The following OPA1 variants were observed in gnomAD, a reference collection of about 807,000 sequenced individuals.
OPA1 encodes the protein dynamin-like GTPase OPA1, mitochondrial.
A neutral mutation model predicts 152.9 loss-of-function variants in OPA1; 59 were observed. That is an observed-to-expected ratio of 0.39 (90% CI 0.31 to 0.48). OPA1 has a LOEUF of 0.48. Ranked by LOEUF, OPA1 falls within the 20% of genes least tolerant of loss-of-function variation. OPA1 has a pLI of 0.96. For missense variants in OPA1, 1,008 were observed against 1,216.8 expected, an observed-to-expected ratio of 0.83 and a Z score of 2.55; for synonymous variants, 400 against 389.9, an observed-to-expected ratio of 1.03 and a Z score of -0.31.
chr3:193,690,732 A>T (rs140309931), intron 29 of OPA1, among the ~76,000 whole-genome samples: 41 of 152,314 alleles, frequency 2.7e-4, no homozygotes, highest in African/African-American at 4.3e-4. Flanking sequence ...AATATAAAAG[A>T]TATAAATGTC....
intron 29 of OPA1, among the ~76,000 whole-genome samples, chr3:193,671,769 A>G (rs184155089): frequency 5.9e-5 from 9 of 152,364 alleles, no homozygotes; most frequent in African/African-American, 2.2e-4. Flanking sequence ...AGGTTAAAAA[A>G]AGGTTAAATT....
At chr3:193,595,710 A>G (rs762092566) in intron 1 of OPA1, among the ~76,000 whole-genome samples, 3 of 152,048 alleles carry the variant, frequency 2.0e-5, no homozygotes, top group African/African-American at 7.2e-5. Flanking sequence ...TTTGCTACTC[A>G]TTTGACTTGG....
chr3:193,625,352 T>G (rs1730913478), intron 6 of OPA1, among the ~76,000 whole-genome samples: 1 of 152,144 alleles, frequency 6.6e-6, no homozygotes, highest in Admixed American at 6.5e-5. Context: ...CTTAATTGTG[T>G]TTTTTTATAG....
intron 1 of OPA1, among the ~76,000 whole-genome samples, chr3:193,597,498 C>T (rs1262139522): frequency 1.3e-5 from 2 of 151,968 alleles, no homozygotes; most frequent in Non-Finnish European, 2.9e-5. Context: ...CGAGACCAGC[C>T]TGGCCAACAT....
intron 1 of OPA1, among the ~76,000 whole-genome samples, chr3:193,610,469 G>C (rs1219208971): frequency 6.6e-6 from 1 of 152,204 alleles, no homozygotes; most frequent in African/African-American, 2.4e-5. Flanking sequence ...TCCCAGTTAG[G>C]CTATTCGGGG....
At chr3:193,660,191 ATTATC>A (rs964570940) in intron 25 of OPA1, among the ~76,000 whole-genome samples, 2 of 152,132 alleles carry the variant, frequency 1.3e-5, no homozygotes, top group Admixed American at 6.6e-5. Flanking sequence ...GCCTTATTTT[ATTATC>A]TTATCTATAT....
At chr3:193,594,797 A>G (rs534994527) in intron 1 of OPA1, among the ~76,000 whole-genome samples, 1 of 152,228 alleles carries the variant, frequency 6.6e-6, no homozygotes, top group Non-Finnish European at 1.5e-5. Context: ...TTTTAATCTC[A>G]TGGAATTTTA....
At position 193,657,285 on chromosome 3, in the gene OPA1, A is replaced by T. The variant is rs574626613; in HGVS notation, c.2331+53A>T. The T allele has an allele frequency of 3.2e-6, 5 of 1,552,958 alleles. No individual in the cohort carries two copies. The East Asian group carries it at 1.1e-4, about 35-fold the overall frequency. On this transcript the variant is annotated intron_variant, in intron 23 of 30. Coordinates refer to ENST00000361510, the MANE Select transcript of OPA1 (RefSeq NM_130837.3). Reference sequence around the variant, plus strand: ...GCCTCATATTTTTATATAACTTCTCAAATTGATACTTTTTCATAGGAGACT... The same window carrying T: ...GCCTCATATTTTTATATAACTTCTCTAATTGATACTTTTTCATAGGAGACT...
chr3:193,658,072 C>T lies in OPA1; in HGVS notation c.2332-815C>T, dbSNP rs545641834. Among the ~76,000 whole-genome samples the T allele has an allele frequency of 1.6e-4, 25 of 151,902 alleles. No individual in the cohort carries two copies. The East Asian group carries it at 4.3e-3, about 26-fold the overall frequency. ...ACCAGCCTGACCAACGTGGATAAAC[C>T]CCGTCTCTACTAAAAATACAAAATT... On this transcript the variant is annotated intron_variant, in intron 23 of 30. Transcript: ENST00000361510.
At chr3:193,631,539 C>CAA (rs894903840) in intron 7 of OPA1, 73 bp from the exon 8 acceptor site, 2 of 1,106,014 alleles carry the variant, frequency 1.8e-6, no homozygotes, top group African/African-American at 3.1e-5. Flanking sequence ...CAATACTTAT[C>CAA]AAAAAAATTT....
intron 7 of OPA1, among the ~76,000 whole-genome samples, chr3:193,627,596 G>GT (rs1731366046): frequency 6.6e-6 from 1 of 152,042 alleles, no homozygotes; most frequent in African/African-American, 2.4e-5. Context: ...TTGTTCTTAA[G>GT]TTTTTTTCGT....
intron 8 of OPA1, among the ~76,000 whole-genome samples, chr3:193,632,298 A>G (rs556438811): frequency 1.1e-3 from 168 of 152,174 alleles, no homozygotes; most frequent in African/African-American, 3.8e-3. Context: ...TGGCTAACAC[A>G]GTGAAACCCC....
intron 6 of OPA1, among the ~76,000 whole-genome samples, chr3:193,622,331 C>T (rs1031704605): frequency 2.7e-5 from 4 of 146,794 alleles, no homozygotes; most frequent in African/African-American, 7.6e-5. Flanking sequence ...CGGGTTCAAG[C>T]GATTCTCCTG....
At chr3:193,607,298 T>G (rs1345581857) in intron 1 of OPA1, among the ~76,000 whole-genome samples, 1 of 152,252 alleles carries the variant, frequency 6.6e-6, no homozygotes, top group Non-Finnish European at 1.5e-5. Context: ...ATTTTGGCTT[T>G]TGTTGCCATT....
chr3:193,593,291 C>G lies in OPA1; in HGVS notation c.-87C>G, dbSNP rs186473025. ...TGCTGCTGAGGGCCACTTCCTGGGTCATTCCTGGACCGGGAGCCGGGCTGG... is the reference window on the plus strand; with the variant it reads ...TGCTGCTGAGGGCCACTTCCTGGGTGATTCCTGGACCGGGAGCCGGGCTGG... On this transcript the variant is annotated 5_prime_UTR_variant, in exon 1 of 31. Transcript: ENST00000361510. 2.0e-4 allele frequency: 279 copies of G among 1,402,224 alleles called. No homozygotes were observed. In the East Asian group the frequency reaches 6.9e-3, roughly 35 times the overall value. The allele number at this position is 1,402,224 out of a possible 1,614,324, so 86.9% of individuals were successfully genotyped here.
At chr3:193,598,736 G>A (rs1279935688) in intron 1 of OPA1, among the ~76,000 whole-genome samples, 1 of 152,148 alleles carries the variant, frequency 6.6e-6, no homozygotes, top group Admixed American at 6.5e-5. Flanking sequence ...TATTGATGGC[G>A]ACTCTCTAAT....
intron 1 of OPA1, among the ~76,000 whole-genome samples, chr3:193,610,613 G>A (rs1265022822): frequency 1.3e-5 from 2 of 152,176 alleles, no homozygotes; most frequent in African/African-American, 2.4e-5. Flanking sequence ...CCTTTTGTTC[G>A]GCTATGCCCT....
At position 193,631,620 on chromosome 3, in the gene OPA1, CAAAG is replaced by C; in HGVS notation, c.800_803del (p.Lys267ArgfsTer15). 6.2e-7 allele frequency: 1 copy of C among 1,609,860 alleles called. No individual in the cohort carries two copies. Among genetic ancestry groups the C allele is most frequent in the Non-Finnish European group, 8.5e-7 (1 of 1,176,480 alleles). On this transcript the variant is annotated frameshift_variant, in exon 8 of 31. Coordinates refer to ENST00000361510, the MANE Select transcript of OPA1 (RefSeq NM_130837.3). LOFTEE classifies it high-confidence loss of function. ...TTATTTTAAACATTTAGGTGTCAGACAAAGAGAAAATTGACCAACTTCAGGAAGA... is the reference window on the plus strand; with the variant it reads ...TTATTTTAAACATTTAGGTGTCAGACAGAAAATTGACCAACTTCAGGAAGA...
intron 3 of OPA1, 34 bp downstream of exon 3, chr3:193,615,804 G>A: frequency 1.7e-6 from 2 of 1,182,992 alleles, no homozygotes; most frequent in South Asian, 1.2e-5. Flanking sequence ...ACTTTTTTTG[G>A]TCATCTCGAG....
Sources: allele counts gnomAD v4.1 joint callset (sites outside exome capture counted in the v4.1 genomes callset), GRCh38; gene constraint gnomAD v4.1.1; transcripts MANE v1.5; gene names NCBI Gene and HGNC (gene_info 2026-07-23, HGNC 2026-07-21).